Variants in GZMM observed in about 807,000 individuals in gnomAD.
GZMM encodes the protein HU-Met-1.
A neutral mutation model predicts 19.2 loss-of-function variants in GZMM; 23 were observed. The ratio of observed to expected loss-of-function variants is 1.20; its 90% confidence interval spans 0.86 to 1.69. The LOEUF (loss-of-function observed/expected upper bound fraction) is 1.69. GZMM is among the 40% of genes most tolerant of loss of function. The pLI, the probability that GZMM is intolerant of heterozygous loss-of-function variation, is 0.00. For missense variants in GZMM, 373 were observed against 352.2 expected, an observed-to-expected ratio of 1.06 and a Z score of -0.47; for synonymous variants, 178 against 160.2, an observed-to-expected ratio of 1.11 and a Z score of -0.84.
In GZMM at chr19:548,659, C is replaced by T. The variant is rs751483927; in HGVS notation, c.330C>T (p.Asn110=). The T allele has an allele frequency of 3.5e-5, 57 of 1,613,078 alleles. 1 individual carries two copies. The highest frequency in any genetic ancestry group is 2.1e-4 in the South Asian group (19 of 91,082). Residue 110 remains asparagine (N), a synonymous_variant, in exon 3 of 5, where the codon AAC becomes AAT. Transcript: ENST00000264553. ...PRYKPVPALE[N]DLALLQLDGK... ...ACAAGCCCGTCCCTGCCCTGGAGAA[C>T]GACCTCGCGCTGCTTCAGGTGTGCA...
chr19:549,900 A>G lies in GZMM; in HGVS notation c.*109A>G. ...GGGAGGGACAGGGAGGGACCAATAA[A>G]TCATAATGAAGAAACGCTCAGAGCC... On this transcript the variant is annotated 3_prime_UTR_variant, in exon 5 of 5. Transcript: ENST00000264553. The G allele has an allele frequency of 1.2e-6, 1 of 819,042 alleles. No homozygotes were observed. The highest frequency in any genetic ancestry group is 2.4e-5 in the Admixed American group (1 of 41,306). 50.7% of individuals were successfully genotyped at this position (819,042 alleles called of 1,614,324 possible). A position where few individuals can be genotyped will look rare whatever the true frequency, so the allele number is the denominator to read the frequency against.
rs570739843 is a variant in GZMM at position 548,894 on chromosome 19, C to T, written c.349-28C>T. 6.0e-6 allele frequency: 9 copies of T among 1,499,042 alleles called. No individual in the cohort carries two copies. The African/African-American group carries it at 8.4e-5, about 14-fold the overall frequency. The allele number at this position is 1,499,042 out of a possible 1,614,324, so 92.9% of individuals were successfully genotyped here. On this transcript the variant is annotated intron_variant, in intron 3 of 4. Coordinates refer to ENST00000264553, the MANE Select transcript of GZMM (RefSeq NM_005317.4). ...CCCGCACTCTCACCCCCTCCCCCTG[C>T]TCACCTGCCCCTTCCTGTCACTCGT...
In GZMM at chr19:549,188, G is replaced by A. The variant is rs1389381959; in HGVS notation, c.612+3G>A. ...CCAAGGACCAGGCTCCCTGCAAGGT[G>A]AGGGGCGCCCGGGTGGGGCTGGGGG... On this transcript the variant is annotated splice_donor_region_variant and intron_variant, in intron 4 of 4. Coordinates refer to ENST00000264553, the MANE Select transcript of GZMM (RefSeq NM_005317.4). 2 of 1,566,354 alleles carry A rather than the reference G, an allele frequency of 1.3e-6. No homozygotes were observed. The highest frequency in any genetic ancestry group is 1.7e-6 in the Non-Finnish European group (2 of 1,155,512).
intron 1 of GZMM, 35 bp from the exon 2 acceptor site, chr19:547,245 G>A: frequency 6.8e-7 from 1 of 1,475,772 alleles, no homozygotes. Flanking sequence ...GGGGCATGTA[G>A]CCCCAACCTG....
At chr19:544,844 C>A (rs1980203699) in intron 1 of GZMM, among the ~76,000 whole-genome samples, 2 of 150,548 alleles carry the variant, frequency 1.3e-5, no homozygotes, top group South Asian at 4.2e-4. Flanking sequence ...CATCATCCAT[C>A]CCTCCCTCCC....
At chr19:549,379 C>T (rs1980425210) in intron 4 of GZMM, among the ~76,000 whole-genome samples, 194 bp downstream of exon 4, 1 of 152,216 alleles carries the variant, frequency 6.6e-6, no homozygotes, top group Non-Finnish European at 1.5e-5. Flanking sequence ...GCAACCTGCG[C>T]AAGACCACAC....
intron 1 of GZMM, among the ~76,000 whole-genome samples, chr19:544,859 T>C (rs1045608354): frequency 2.1e-5 from 3 of 145,762 alleles, no homozygotes; most frequent in African/African-American, 7.7e-5. Context: ...CCTCCCTCCT[T>C]TCGTTCCCCC....
At chr19:549,383 A>G (rs748310816) in intron 4 of GZMM, among the ~76,000 whole-genome samples, 198 bp downstream of exon 4, 17 of 152,182 alleles carry the variant, frequency 1.1e-4, no homozygotes, top group Non-Finnish European at 2.2e-4. Flanking sequence ...CCTGCGCAAG[A>G]CCACACAGCC....
rs12981692 is a variant in GZMM at position 544,277 on chromosome 19, C to A, written c.55+151C>A. On this transcript the variant is annotated intron_variant, in intron 1 of 4. Transcript: ENST00000264553. ...AGGGGGACTGAGGCCTGGGGCATCCCGAGCTCCTCACGCTTCACCCCGAGT... is the reference window on the plus strand; with the variant it reads ...AGGGGGACTGAGGCCTGGGGCATCCAGAGCTCCTCACGCTTCACCCCGAGT... 6.0e-6 allele frequency: 4 copies of A among 666,202 alleles called. No individual in the cohort carries two copies. The Admixed American group carries it at 1.0e-4, about 17-fold the overall frequency. 41.3% of individuals were successfully genotyped at this position (666,202 alleles called of 1,614,324 possible). A position where few individuals can be genotyped will look rare whatever the true frequency, so the allele number is the denominator to read the frequency against.
At chr19:548,502 C>T in intron 2 of GZMM, 40 bp from the exon 3 acceptor site, 1 of 1,605,136 alleles carries the variant, frequency 6.2e-7, no homozygotes, top group South Asian at 1.1e-5. Context: ...GTCGTCCACG[C>T]CGGGCCAGGC....
intron 2 of GZMM, among the ~76,000 whole-genome samples, chr19:547,643 C>A (rs1383172351): frequency 6.6e-6 from 1 of 152,218 alleles, no homozygotes; most frequent in Admixed American, 6.5e-5. Context: ...GCAGGGCCAG[C>A]TCCTTCCACA....
At chr19:549,561 C>G in intron 4 of GZMM, 69 bp from the exon 5 acceptor site, 3 of 1,482,162 alleles carry the variant, frequency 2.0e-6, no homozygotes, top group Non-Finnish European at 2.7e-6. Context: ...CTGCTCCCCT[C>G]GGCGGGCCCT....
chr19:549,593 GGT>G (rs761306555), intron 4 of GZMM, 35 bp from the exon 5 acceptor site: 2 of 1,591,650 alleles, frequency 1.3e-6, no homozygotes, highest in Non-Finnish European at 1.7e-6. Flanking sequence ...CCCCTCAGCA[GGT>G]GCAGAGGCTG....
In GZMM at chr19:548,594, C is replaced by T. The variant is rs757021979; in HGVS notation, c.265C>T (p.Leu89Phe). 2 of 1,613,394 alleles carry T rather than the reference C, an allele frequency of 1.2e-6. No individual in the cohort carries two copies. Among genetic ancestry groups the T allele is most frequent in the Admixed American group, 3.3e-5 (2 of 59,994 alleles). ...LGLHTLDSPG[L>F]TFHIKAAIQH... The stretch of plus-strand genomic sequence containing the variant: ...GCTCCACACCCTGGACAGCCCCGGT[C>T]TCACCTTCCACATCAAGGCAGCCAT... Residue 89 changes from leucine (L) to phenylalanine (F), a missense_variant, in exon 3 of 5, where the codon CTC becomes TTC. Coordinates refer to ENST00000264553, the MANE Select transcript of GZMM (RefSeq NM_005317.4).
chr19:544,157 C>G, intron 1 of GZMM, 31 bp downstream of exon 1: 1 of 1,537,580 alleles, frequency 6.5e-7, no homozygotes, highest in Non-Finnish European at 8.8e-7. Context: ...AGGGGGGACA[C>G]TGAGGCCCAG....
intron 1 of GZMM, among the ~76,000 whole-genome samples, 200 bp from the exon 2 acceptor site, chr19:547,080 G>A (rs1048699376): frequency 5.0e-5 from 7 of 140,912 alleles, no homozygotes; most frequent in Non-Finnish European, 7.7e-5. Context: ...GGGGGAACAT[G>A]ATGGGGGTGA....
rs991127619 is a variant in GZMM, at chr19:549,612, G to A, written c.613-18G>A. 4.9e-5 allele frequency: 79 copies of A among 1,605,702 alleles called. No homozygotes were observed. The highest frequency in any genetic ancestry group is 1.7e-4 in the Middle Eastern group (1 of 5,852). ...TCAGCAGGTGCAGAGGCTGAGCTGCGGTGTGTCGTCCCTGCAGGGTGACTC... is the reference window on the plus strand; with the variant it reads ...TCAGCAGGTGCAGAGGCTGAGCTGCAGTGTGTCGTCCCTGCAGGGTGACTC... On this transcript the variant is annotated intron_variant, in intron 4 of 4. Coordinates refer to ENST00000264553, the MANE Select transcript of GZMM (RefSeq NM_005317.4).
chr19:544,372 A>T (rs1414638495), intron 1 of GZMM, among the ~76,000 whole-genome samples: 1 of 152,132 alleles, frequency 6.6e-6, no homozygotes, highest in Non-Finnish European at 1.5e-5. Context: ...GGCAGCAGCC[A>T]GAAGGCAGGG....
At chr19:548,809 CCT>C in intron 3 of GZMM, 111 bp from the exon 4 acceptor site, 1 of 473,008 alleles carries the variant, frequency 2.1e-6, no homozygotes, top group South Asian at 2.1e-5. Context: ...ACTACTGCCC[CCT>C]CCCCCATTGC....
Sources: allele counts gnomAD v4.1 joint callset (sites outside exome capture counted in the v4.1 genomes callset), GRCh38; gene constraint gnomAD v4.1.1; transcripts MANE v1.5; gene names NCBI Gene and HGNC (gene_info 2026-07-23, HGNC 2026-07-21).